The following UBE2V2 variants were observed in gnomAD, a reference collection of about 807,000 sequenced individuals.
The protein encoded by UBE2V2 is ubiquitin-conjugating enzyme E2 variant 2.
A neutral mutation model predicts 17.2 loss-of-function variants in UBE2V2; 9 were observed. The ratio of observed to expected loss-of-function variants is 0.52; its 90% CI spans 0.32 to 0.91. The LOEUF is 0.91. Ranked by LOEUF, UBE2V2 falls within the 40% of genes least tolerant of loss-of-function variation. The pLI, the probability that UBE2V2 is intolerant of heterozygous loss-of-function variation, is 0.04. For missense variants in UBE2V2, 133 were observed against 182.6 expected, an observed-to-expected ratio of 0.73 and a Z score of 1.56; for synonymous variants, 61 against 57.5, an observed-to-expected ratio of 1.06 and a Z score of -0.28.
intron 3 of UBE2V2, among the ~76,000 whole-genome samples, chr8:48,053,980 T>C (rs914110378): frequency 6.6e-6 from 1 of 151,776 alleles, no homozygotes; most frequent in South Asian, 2.1e-4. Flanking sequence ...AATTTTTGTA[T>C]TTTTAGTAGA....
At chr8:48,019,948 G>A (rs1297612340) in intron 1 of UBE2V2, among the ~76,000 whole-genome samples, 1 of 152,160 alleles carries the variant, frequency 6.6e-6, no homozygotes, top group South Asian at 2.1e-4. Context: ...TCCAACCTGG[G>A]CAACAGAGTG....
chr8:48,014,403 G>A (rs2091253725), intron 1 of UBE2V2, among the ~76,000 whole-genome samples: 1 of 152,112 alleles, frequency 6.6e-6, no homozygotes, highest in South Asian at 2.1e-4. Context: ...CCAGCACTTT[G>A]GGAGGCTGAG....
At chr8:48,039,038 C>G (rs72633913) in intron 1 of UBE2V2, among the ~76,000 whole-genome samples, 6,720 of 151,068 alleles carry the variant, frequency 0.044, 224 homozygotes, top group Non-Finnish European at 0.068. Context: ...ATGCGATTCT[C>G]CTGCCTTAGG....
chr8:48,037,894 C>T (rs534735951), intron 1 of UBE2V2, among the ~76,000 whole-genome samples: 31 of 152,182 alleles, frequency 2.0e-4, no homozygotes, highest in Non-Finnish European at 2.5e-4. Context: ...TCCATTCCCA[C>T]GTTGCAGCAA....
intron 3 of UBE2V2, 36 bp from the exon 4 acceptor site, chr8:48,060,646 C>T (rs773253552): frequency 7.2e-6 from 10 of 1,388,108 alleles, no homozygotes; most frequent in Non-Finnish European, 8.5e-6. Context: ...GTACTTTAAA[C>T]TTGCTAGTTA....
rs183363685 is a variant in UBE2V2, at chr8:48,059,653, C to T, written c.292-1029C>T. 3.2e-3 allele frequency among the ~76,000 whole-genome samples: 480 copies of T among 152,208 alleles called. 3 individuals carry two copies. The highest frequency in any genetic ancestry group is 5.1e-3 in the Non-Finnish European group (350 of 68,016). ...GTCTCAAACTCCTGACCTTGTGATC[C>T]GCCCGCCTTGGCCTCCCAAAACGTT... On this transcript the variant is annotated intron_variant, in intron 3 of 3. Coordinates refer to ENST00000523111, the MANE Select transcript of UBE2V2 (RefSeq NM_003350.3).
At chr8:48,050,020 A>G (rs555667423) in intron 3 of UBE2V2, 42 bp downstream of exon 3, 12 of 1,331,734 alleles carry the variant, frequency 9.0e-6, no homozygotes, top group South Asian at 7.7e-5. Flanking sequence ...AACATAATGT[A>G]TAGAGTTATA....
At chr8:48,038,374 G>A (rs142021115) in intron 1 of UBE2V2, among the ~76,000 whole-genome samples, 69 of 152,216 alleles carry the variant, frequency 4.5e-4, no homozygotes, top group Middle Eastern at 6.8e-3. Flanking sequence ...ATGGAGTGTA[G>A]TGGCGTGATC....
the UBE2V2 span, among the ~76,000 whole-genome samples, chr8:48,001,366 G>A: frequency 6.6e-6 from 1 of 152,082 alleles, no homozygotes; most frequent in Non-Finnish European, 1.5e-5. Context: ...TTGGGAGACC[G>A]AGGTGGGCGG....
At chr8:48,000,392 G>A in the UBE2V2 span, among the ~76,000 whole-genome samples, 101 of 152,250 alleles carry the variant, frequency 6.6e-4, 1 homozygote, top group African/African-American at 2.3e-3. Flanking sequence ...TTGCCGAAGC[G>A]CCCTGTTGCA....
intron 3 of UBE2V2, among the ~76,000 whole-genome samples, chr8:48,057,551 C>T (rs1445993952): frequency 1.3e-5 from 2 of 152,124 alleles, no homozygotes; most frequent in Non-Finnish European, 2.9e-5. Context: ...GATCTGCCCA[C>T]CTCGCCCTCC....
chr8:48,028,928 T>A (rs1289651531), intron 1 of UBE2V2, among the ~76,000 whole-genome samples: 3 of 152,212 alleles, frequency 2.0e-5, no homozygotes, highest in Non-Finnish European at 2.9e-5. Flanking sequence ...TTCACTTTCT[T>A]GATGTTGTCC....
intron 1 of UBE2V2, 87 bp downstream of exon 1, chr8:48,008,557 G>A: frequency 6.7e-7 from 1 of 1,486,244 alleles, no homozygotes; most frequent in South Asian, 1.3e-5. Flanking sequence ...CGCTGACCGT[G>A]CGGGAGAAGC....
chr8:48,031,120 A>G (rs2091380113), intron 1 of UBE2V2, among the ~76,000 whole-genome samples: 1 of 151,958 alleles, frequency 6.6e-6, no homozygotes, highest in Non-Finnish European at 1.5e-5. Flanking sequence ...GAGCCAGGAG[A>G]AGCACTTGAA....
intron 1 of UBE2V2, among the ~76,000 whole-genome samples, chr8:48,017,484 C>A (rs1365712006): frequency 6.6e-6 from 1 of 151,736 alleles, no homozygotes; most frequent in Non-Finnish European, 1.5e-5. Flanking sequence ...AGGGATTCTC[C>A]TGCTTCAGCC....
the UBE2V2 span, among the ~76,000 whole-genome samples, chr8:48,001,577 C>A: frequency 6.6e-6 from 1 of 152,106 alleles, no homozygotes; most frequent in Non-Finnish European, 1.5e-5. Context: ...CCAGGCTGGG[C>A]AACAGAGTAA....
At chr8:48,051,212 T>G (rs1214520035) in intron 3 of UBE2V2, among the ~76,000 whole-genome samples, 1 of 152,186 alleles carries the variant, frequency 6.6e-6, no homozygotes, top group Non-Finnish European at 1.5e-5. Flanking sequence ...TAGAAACAGC[T>G]GAATTTCCAG....
At chr8:48,005,689 T>C (rs1363631245), upstream of UBE2V2, among the ~76,000 whole-genome samples, 2 of 152,220 alleles carry the variant, frequency 1.3e-5, no homozygotes, top group East Asian at 3.8e-4. Context: ...TGTTGTTTCC[T>C]GACTTTTTAA....
intron 1 of UBE2V2, among the ~76,000 whole-genome samples, chr8:48,036,690 C>T (rs1277559188): frequency 1.3e-5 from 2 of 151,708 alleles, no homozygotes; most frequent in South Asian, 2.1e-4. Context: ...CCGCCTTGGC[C>T]TCCCAAAGTG....
Sources: allele counts gnomAD v4.1 joint callset (sites outside exome capture counted in the v4.1 genomes callset), GRCh38; gene constraint gnomAD v4.1.1; transcripts MANE v1.5; gene names NCBI Gene and HGNC (gene_info 2026-07-23, HGNC 2026-07-21).